RANBP10: variants seen among roughly 807,000 people sequenced by gnomAD.
The protein encoded by RANBP10 is RAN binding protein 10.
Under a neutral mutation model 72.8 loss-of-function variants are expected in RANBP10, and 24 were observed. That is an observed-to-expected ratio of 0.33 (90% CI 0.24 to 0.46). The LOEUF (loss-of-function observed/expected upper bound fraction) is 0.46. Among genes scored for constraint, RANBP10 ranks in the 20% least tolerant of loss-of-function variants. The pLI is 1.00. For synonymous variants in RANBP10, 310 were observed against 322.3 expected (o/e 0.96, Z 0.41); for missense variants, 679 against 817.5 (o/e 0.83, Z 2.07).
At chr16:67,755,289 T>C (rs2054266758) in intron 3 of RANBP10, among the ~76,000 whole-genome samples, 2 of 151,932 alleles carry the variant, frequency 1.3e-5, no homozygotes, top group African/African-American at 4.8e-5. Flanking sequence ...CCTAGGTGGG[T>C]CTAGAGAGAG....
chr16:67,763,027 G>T (rs1007182768), intron 3 of RANBP10, among the ~76,000 whole-genome samples: 3 of 152,200 alleles, frequency 2.0e-5, no homozygotes, highest in African/African-American at 7.2e-5. Flanking sequence ...ATCTGCCAAG[G>T]GGCAGAGCAG....
At chr16:67,778,476 T>C (rs1238659297) in intron 2 of RANBP10, among the ~76,000 whole-genome samples, 4 of 152,212 alleles carry the variant, frequency 2.6e-5, no homozygotes, top group Non-Finnish European at 2.9e-5. Context: ...GCAAGCTTCA[T>C]GACATTGGAT....
intron 6 of RANBP10, among the ~76,000 whole-genome samples, chr16:67,731,871 TATG>T (rs751618934): frequency 2.6e-5 from 4 of 151,866 alleles, no homozygotes; most frequent in Non-Finnish European, 5.9e-5. Context: ...AGTAAGCGAG[TATG>T]ATAACAGAAG....
intron 3 of RANBP10, among the ~76,000 whole-genome samples, chr16:67,766,980 G>A (rs986859057): frequency 1.3e-5 from 2 of 152,208 alleles, no homozygotes; most frequent in Non-Finnish European, 2.9e-5. Context: ...CTGAGGAGTT[G>A]GCAGGCAGAG....
intron 10 of RANBP10, chr16:67,728,733 G>A: frequency 1.3e-6 from 1 of 789,418 alleles, no homozygotes; most frequent in Non-Finnish European, 2.0e-6. Context: ...TTGCCCCAGT[G>A]CTGCCTCTGT....
rs1597915585 is a variant in RANBP10 at position 67,791,522 on chromosome 16, C to T, written c.347+13906G>A. Among the ~76,000 whole-genome samples the T allele has an allele frequency of 3.3e-5, 5 of 152,280 alleles. No individual in the cohort carries two copies. In the East Asian group the frequency reaches 9.7e-4, roughly 29 times the overall value. ...AGAGACAAGGTCTTCAGCCTCAGGG[C>T]TGAGATGGCTGTTGGAGGCTGCAGG... On this transcript the variant is annotated intron_variant, in intron 2 of 13. Coordinates refer to ENST00000317506, the MANE Select transcript of RANBP10 (RefSeq NM_020850.3).
At chr16:67,791,495 G>A (rs1429962370) in intron 2 of RANBP10, among the ~76,000 whole-genome samples, 4 of 152,166 alleles carry the variant, frequency 2.6e-5, no homozygotes, top group Non-Finnish European at 5.9e-5. Context: ...GAAAAGGAGA[G>A]AAGAGACAAG....
intron 2 of RANBP10, among the ~76,000 whole-genome samples, chr16:67,784,524 C>A (rs2054872256): frequency 6.6e-6 from 1 of 152,156 alleles, no homozygotes. Context: ...GGCGTGGTGG[C>A]CCATGCCTCT....
At chr16:67,765,503 G>A (rs768052510) in intron 3 of RANBP10, among the ~76,000 whole-genome samples, 113 of 152,022 alleles carry the variant, frequency 7.4e-4, no homozygotes, top group Non-Finnish European at 1.5e-3. Flanking sequence ...CTCCAGCTTG[G>A]GCAACAAGAG....
intron 2 of RANBP10, among the ~76,000 whole-genome samples, chr16:67,782,895 A>G (rs933918012): frequency 1.7e-4 from 26 of 151,716 alleles, no homozygotes; most frequent in East Asian, 5.8e-4. Flanking sequence ...CTTAAAAGCC[A>G]CTTTTAAGAG....
intron 13 of RANBP10, 55 bp from the exon 14 acceptor site, chr16:67,726,613 T>C (rs759228100): frequency 1.5e-5 from 22 of 1,509,832 alleles, no homozygotes; most frequent in Non-Finnish European, 1.7e-5. Flanking sequence ...TGGGCCCAGG[T>C]CAAAGTTCCC....
intron 3 of RANBP10, among the ~76,000 whole-genome samples, chr16:67,764,546 A>G (rs981630091): frequency 6.6e-6 from 1 of 151,974 alleles, no homozygotes; most frequent in Non-Finnish European, 1.5e-5. Flanking sequence ...CTAGAGGCAC[A>G]CTCCTCGTAG....
chr16:67,771,167 A>G (rs2054600191), intron 3 of RANBP10, among the ~76,000 whole-genome samples: 1 of 151,682 alleles, frequency 6.6e-6, no homozygotes, highest in Admixed American at 6.6e-5. Context: ...AAGGCTGAGG[A>G]TCACCTGAGT....
In RANBP10 at chr16:67,729,938, T is replaced by C. The variant is rs1367327430; in HGVS notation, c.998A>G (p.Lys333Arg). The change falls in exon 8 of 14, where the codon AAG (lysine) becomes AGG (arginine). Residue 333 changes from lysine (K) to arginine (R), a missense_variant and splice_region_variant. Lys to Arg is a conservative substitution (Grantham distance 26). Coordinates refer to ENST00000317506, the MANE Select transcript of RANBP10 (RefSeq NM_020850.3). The surrounding 1 kb of genome is among the most constrained non-coding windows in gnomAD (Gnocchi z 7.1). ...GGAGCTGGGGGTGCCCAAGACTTACTTGAGCATGAAGAGGAGGTTGGGGTT... is the reference window on the plus strand; with the variant it reads ...GGAGCTGGGGGTGCCCAAGACTTACCTGAGCATGAAGAGGAGGTTGGGGTT... The part of the protein sequence containing the change: ...EHNPNLLFML[K>R]CRQFVEMVNG... The C allele has an allele frequency of 3.7e-6, 6 of 1,613,708 alleles. No individual in the cohort carries two copies. Among genetic ancestry groups the C allele is most frequent in the Non-Finnish European group, 5.1e-6 (6 of 1,180,022 alleles).
At chr16:67,771,348 T>C (rs1288824032) in intron 3 of RANBP10, among the ~76,000 whole-genome samples, 1 of 151,966 alleles carries the variant, frequency 6.6e-6, no homozygotes, top group African/African-American at 2.4e-5. Flanking sequence ...TTTTTATTTA[T>C]TTTATTTTTT....
At chr16:67,797,039 C>T (rs1242664686) in intron 2 of RANBP10, among the ~76,000 whole-genome samples, 5 of 152,148 alleles carry the variant, frequency 3.3e-5, no homozygotes, top group Non-Finnish European at 7.3e-5. Flanking sequence ...TTATTCCTTC[C>T]CAATGGTCCC....
intron 2 of RANBP10, among the ~76,000 whole-genome samples, chr16:67,775,509 T>C (rs773093490): frequency 1.3e-5 from 2 of 151,904 alleles, no homozygotes; most frequent in African/African-American, 2.4e-5. Context: ...ACAGATGACA[T>C]GTTCCCATAC....
intron 3 of RANBP10, among the ~76,000 whole-genome samples, chr16:67,747,508 T>G (rs2054106758): frequency 6.6e-6 from 1 of 152,206 alleles, no homozygotes; most frequent in Non-Finnish European, 1.5e-5. Context: ...TTTGTTTGTT[T>G]GTTTGTTTGG....
chr16:67,739,978 C>G (rs2053934938), intron 4 of RANBP10: 1 of 151,952 alleles, frequency 6.6e-6, no homozygotes, highest in African/African-American at 2.4e-5. Flanking sequence ...GGACTCAAAG[C>G]CCTCTCATTT....
Sources: gnomAD v4.1 joint callset for allele counts (sites outside exome capture counted in the v4.1 genomes callset) on GRCh38, gnomAD v4.1.1 for gene constraint, Gnocchi (gnomAD v3.1) non-coding constraint, MANE v1.5 for transcripts, NCBI Gene and HGNC (gene_info 2026-07-23, HGNC 2026-07-21) for gene names.